Variants in NPFFR2 observed in about 807,000 individuals in gnomAD.
NPFFR2 encodes G-protein coupled receptor 74.
Under a neutral mutation model 13.1 loss-of-function variants are expected in NPFFR2, and 15 were observed. The observed-to-expected ratio is 1.15, with a 90% confidence interval of 0.77 to 1.76. The LOEUF (loss-of-function observed/expected upper bound fraction) is 1.76. NPFFR2 is among the 40% of genes most tolerant of loss of function. NPFFR2 has a pLI of 0.00. For missense variants in NPFFR2, 572 were observed against 503.5 expected (o/e 1.14, Z -1.30); for synonymous variants, 190 against 175.7 (o/e 1.08, Z -0.65).
At chr4:72,065,492 GTT>G (rs1720040239) in intron 1 of NPFFR2, among the ~76,000 whole-genome samples, 1 of 152,112 alleles carries the variant, frequency 6.6e-6, no homozygotes, top group African/African-American at 2.4e-5. Flanking sequence ...CATTATTAAT[GTT>G]TTAAAAGAAA....
At chr4:72,109,124 G>A (rs1721494667) in intron 1 of NPFFR2, among the ~76,000 whole-genome samples, 1 of 151,916 alleles carries the variant, frequency 6.6e-6, no homozygotes, top group Non-Finnish European at 1.5e-5. Flanking sequence ...TTAGATTACA[G>A]ATTACTAAGA....
rs757727340 is a variant in NPFFR2, at chr4:72,147,221, T to C, written c.672T>C (p.Phe224=). Residue 224 remains phenylalanine, a synonymous_variant, in exon 4 of 4, where the codon TTT becomes TTC. Coordinates refer to ENST00000308744, the MANE Select transcript of NPFFR2 (RefSeq NM_004885.3). ...GGAAGATCTACACCACTGTGCTGTTTGCCAACATCTACCTGGCTCCCCTCT... is the reference window on the plus strand; with the variant it reads ...GGAAGATCTACACCACTGTGCTGTTCGCCAACATCTACCTGGCTCCCCTCT... ...EMRKIYTTVL[F]ANIYLAPLSL... is the part of the protein sequence containing the mutation. The C allele has an allele frequency of 2.2e-5, 35 of 1,614,066 alleles. No individual in the cohort carries two copies. Among genetic ancestry groups the C allele is most frequent in the African/African-American group, 4.0e-5 (3 of 74,936 alleles).
chr4:72,110,291 T>C (rs1721530024), intron 1 of NPFFR2, among the ~76,000 whole-genome samples: 1 of 152,050 alleles, frequency 6.6e-6, no homozygotes, highest in African/African-American at 2.4e-5. Flanking sequence ...CCTTTTGCGA[T>C]GATTGTAAGT....
rs138698166 is a variant in NPFFR2 at position 72,088,986 on chromosome 4, A to C, written c.-7-39599A>C. Among the ~76,000 whole-genome samples the C allele has an allele frequency of 2.3e-3, 347 of 151,812 alleles. 1 individual carries two copies. The highest frequency in any genetic ancestry group is 3.4e-3 in the Middle Eastern group (1 of 294). On this transcript the variant is annotated intron_variant, in intron 1 of 3. Coordinates refer to ENST00000308744, the MANE Select transcript of NPFFR2 (RefSeq NM_004885.3). ...GTCTTTTATCCCTCAACCCTCTCCCACCCTTTCCACTGAGTCCTCAAAATC... is the reference window on the plus strand; with the variant it reads ...GTCTTTTATCCCTCAACCCTCTCCCCCCCTTTCCACTGAGTCCTCAAAATC...
chr4:72,140,713 A>C (rs1722580489), intron 3 of NPFFR2, among the ~76,000 whole-genome samples: 1 of 152,056 alleles, frequency 6.6e-6, no homozygotes, highest in Non-Finnish European at 1.5e-5. Flanking sequence ...TATTGGTCTA[A>C]AATTCTCTTT....
intron 1 of NPFFR2, among the ~76,000 whole-genome samples, chr4:72,105,221 G>T (rs1015521596): frequency 9.9e-5 from 15 of 151,730 alleles, no homozygotes; most frequent in East Asian, 7.8e-4. Flanking sequence ...ACAATATGTA[G>T]AGAGAGTTAT....
chr4:72,083,518 TA>T (rs57164325), intron 1 of NPFFR2, among the ~76,000 whole-genome samples: 152,230 of 152,250 alleles, frequency 1, 76,105 homozygotes, highest in Middle Eastern at 1. Flanking sequence ...CTTTTTGAAA[TA>T]ACTTTATTGG....
intron 1 of NPFFR2, among the ~76,000 whole-genome samples, chr4:72,084,275 G>T (rs770648316): frequency 1.3e-5 from 2 of 152,050 alleles, no homozygotes; most frequent in Non-Finnish European, 2.9e-5. Context: ...TTTGATATTT[G>T]CAGTCTCTTA....
intron 1 of NPFFR2, among the ~76,000 whole-genome samples, chr4:72,069,775 G>A (rs7697181): frequency 0.53 from 79,801 of 151,882 alleles, 23,757 homozygotes; most frequent in Non-Finnish European, 0.67. Flanking sequence ...AATTTAAATG[G>A]CAAATAAACA....
chr4:72,092,329 G>T (rs1425454633), intron 1 of NPFFR2, among the ~76,000 whole-genome samples: 1 of 152,038 alleles, frequency 6.6e-6, no homozygotes, highest in Non-Finnish European at 1.5e-5. Context: ...TGGGTAGAAG[G>T]TTCTGTAAAT....
intron 1 of NPFFR2, among the ~76,000 whole-genome samples, chr4:72,071,847 C>A (rs1041776693): frequency 6.6e-6 from 1 of 152,100 alleles, no homozygotes; most frequent in African/African-American, 2.4e-5. Context: ...ACTGCCAGGG[C>A]CAATGACTTC....
intron 1 of NPFFR2, among the ~76,000 whole-genome samples, chr4:72,036,941 T>C (rs1439792218): frequency 6.6e-6 from 1 of 152,160 alleles, no homozygotes; most frequent in Non-Finnish European, 1.5e-5. Flanking sequence ...GTTTGCGACT[T>C]ATAAAAACTG....
intron 1 of NPFFR2, among the ~76,000 whole-genome samples, chr4:72,116,447 A>C (rs1721715849): frequency 6.6e-6 from 1 of 151,842 alleles, no homozygotes; most frequent in Admixed American, 6.6e-5. Flanking sequence ...TAAAGGGTGA[A>C]AAACTACCTA....
chr4:72,092,338 A>G (rs1210221186), intron 1 of NPFFR2, among the ~76,000 whole-genome samples: 1 of 152,076 alleles, frequency 6.6e-6, no homozygotes, highest in East Asian at 1.9e-4. Flanking sequence ...GGTTCTGTAA[A>G]TATCTATTAA....
chr4:72,037,977 A>G (rs970884805), intron 1 of NPFFR2, among the ~76,000 whole-genome samples: 3 of 152,178 alleles, frequency 2.0e-5, no homozygotes, highest in Admixed American at 1.3e-4. Flanking sequence ...ATGTTTACCT[A>G]CAGAATTAGT....
chr4:72,037,943 G>A (rs916732798), intron 1 of NPFFR2, among the ~76,000 whole-genome samples: 1 of 152,118 alleles, frequency 6.6e-6, no homozygotes, highest in South Asian at 2.1e-4. Context: ...TGATTATCTA[G>A]GTTTTAGTAA....
rs1365758442 is a variant in NPFFR2 at position 72,037,230 on chromosome 4, T to TAAA, written c.-8+5039_-8+5041dup. ...ATAGTGAGATCCTGTGCCTACAAAT[T>TAAA]AAAAAAAAAAACAAAAAACTAGCTG... On this transcript the variant is annotated intron_variant, in intron 1 of 3. Transcript: ENST00000308744. Among the ~76,000 whole-genome samples, 3 of 138,722 alleles carry TAAA rather than the reference T, an allele frequency of 2.2e-5. No individual in the cohort carries two copies. The South Asian group carries it at 7.0e-4, about 32-fold the overall frequency. 91.0% of individuals were successfully genotyped at this position (138,722 alleles called of 152,430 possible).
chr4:72,106,361 G>A (rs181572731), intron 1 of NPFFR2, among the ~76,000 whole-genome samples: 7 of 152,092 alleles, frequency 4.6e-5, no homozygotes, highest in Non-Finnish European at 7.4e-5. Context: ...AGGGATGAGC[G>A]ACACATGTGA....
At chr4:72,066,340 G>T (rs952273523) in intron 1 of NPFFR2, among the ~76,000 whole-genome samples, 9 of 152,012 alleles carry the variant, frequency 5.9e-5, no homozygotes, top group Non-Finnish European at 1.0e-4. Context: ...CCATCTCGTT[G>T]GTCATTAAGT....
Sources: allele counts gnomAD v4.1 joint callset (sites outside exome capture counted in the v4.1 genomes callset), GRCh38; gene constraint gnomAD v4.1.1; transcripts MANE v1.5; gene names NCBI Gene and HGNC (gene_info 2026-07-23, HGNC 2026-07-21).